AUTS2: variants seen among roughly 807,000 people sequenced by gnomAD.
The protein encoded by AUTS2 is autism susceptibility gene 2 protein.
In AUTS2, 17 loss-of-function variants were observed where a neutral mutation model predicts 112.4. The ratio of observed to expected loss-of-function variants is 0.15; its 90% confidence interval spans 0.10 to 0.23. AUTS2 has a LOEUF of 0.23. Ranked by LOEUF, AUTS2 falls within the 10% of genes least tolerant of loss-of-function variation. The pLI is 1.00. For synonymous variants in AUTS2, 751 were observed against 702.7 expected, an observed-to-expected ratio of 1.07 and a Z score of -1.09; for missense variants, 1,510 against 1,701.6, an observed-to-expected ratio of 0.89 and a Z score of 1.98.
At chr7:69,864,157 C>G (rs970085947) in intron 1 of AUTS2, among the ~76,000 whole-genome samples, 1 of 152,232 alleles carries the variant, frequency 6.6e-6, no homozygotes, top group Non-Finnish European at 1.5e-5. Context: ...CCTCCAATAA[C>G]ACATACTTTG....
intron 2 of AUTS2, among the ~76,000 whole-genome samples, chr7:70,043,615 T>TA (rs1474032489): frequency 6.8e-6 from 1 of 146,162 alleles, no homozygotes; most frequent in Non-Finnish European, 1.5e-5. Context: ...CTTTTTTTTT[T>TA]TTTTTTATTT....
chr7:69,844,734 C>T (rs760458110), intron 1 of AUTS2, among the ~76,000 whole-genome samples: 10 of 152,080 alleles, frequency 6.6e-5, no homozygotes, highest in African/African-American at 9.7e-5. Context: ...TCTTAGAGCA[C>T]GGTAGAATGT....
chr7:70,183,613 C>T (rs764815524), intron 4 of AUTS2, among the ~76,000 whole-genome samples: 10 of 152,182 alleles, frequency 6.6e-5, no homozygotes, highest in African/African-American at 1.4e-4. Context: ...ACGCTAACCA[C>T]GGGGAGCTGG....
At chr7:70,171,625 C>T (rs1476253282) in intron 4 of AUTS2, among the ~76,000 whole-genome samples, 4 of 152,160 alleles carry the variant, frequency 2.6e-5, no homozygotes, top group East Asian at 1.9e-4. Flanking sequence ...CCTCAGGTCA[C>T]GGGCTTTAGT....
At chr7:69,974,921 T>G (rs1044020736) in intron 2 of AUTS2, among the ~76,000 whole-genome samples, 7 of 152,182 alleles carry the variant, frequency 4.6e-5, no homozygotes, top group African/African-American at 1.7e-4. Flanking sequence ...TACAAGTTAC[T>G]GTATCATTGC....
intron 1 of AUTS2, among the ~76,000 whole-genome samples, chr7:69,725,147 A>G (rs577767607): frequency 1.3e-5 from 2 of 152,306 alleles, no homozygotes; most frequent in South Asian, 2.1e-4. Flanking sequence ...GTTCTCTATT[A>G]TAGTTGACTT....
At chr7:70,015,983 T>C (rs1800011333) in intron 2 of AUTS2, among the ~76,000 whole-genome samples, 1 of 152,110 alleles carries the variant, frequency 6.6e-6, no homozygotes, top group African/African-American at 2.4e-5. Flanking sequence ...TTTCTAGTAA[T>C]TGCTGCTGGG....
intron 2 of AUTS2, among the ~76,000 whole-genome samples, chr7:70,080,783 C>T (rs1803264938): frequency 6.6e-6 from 1 of 152,076 alleles, no homozygotes; most frequent in African/African-American, 2.4e-5. Flanking sequence ...AGGAAGGAAA[C>T]CTTTCTGATT....
chr7:70,011,592 G>A (rs1203535428), intron 2 of AUTS2, among the ~76,000 whole-genome samples: 1 of 152,124 alleles, frequency 6.6e-6, no homozygotes, highest in Non-Finnish European at 1.5e-5. Context: ...TACCAAGAGG[G>A]TCCTGAGCCC....
intron 2 of AUTS2, among the ~76,000 whole-genome samples, chr7:69,911,974 T>C (rs537176273): frequency 9.9e-5 from 15 of 152,238 alleles, no homozygotes; most frequent in African/African-American, 3.6e-4. Context: ...CAATGTGCCA[T>C]CCATGGCACT....
At chr7:70,007,262 C>T (rs1031232118) in intron 2 of AUTS2, among the ~76,000 whole-genome samples, 2 of 152,102 alleles carry the variant, frequency 1.3e-5, no homozygotes, top group African/African-American at 4.8e-5. Flanking sequence ...TTTCTGTCCC[C>T]CCCTAAATCA....
chr7:69,712,784 C>T lies in AUTS2; in HGVS notation c.309+112822C>T, dbSNP rs187322752. Among the ~76,000 whole-genome samples the T allele has an allele frequency of 4.5e-3, 691 of 152,240 alleles. 3 individuals carry two copies. Among genetic ancestry groups the T allele is most frequent in the Non-Finnish European group, 8.1e-3 (548 of 68,002 alleles). ...ATGGGCAGGTGTATGTTTAACTTTA[C>T]ATGAAACTGCCACAGTTTTCTCAAG... On this transcript the variant is annotated intron_variant, in intron 1 of 18. Coordinates refer to ENST00000342771, the MANE Select transcript of AUTS2 (RefSeq NM_015570.4).
intron 4 of AUTS2, among the ~76,000 whole-genome samples, chr7:70,226,485 G>A (rs959190348): frequency 9.2e-5 from 14 of 151,482 alleles, no homozygotes; most frequent in Admixed American, 2.6e-4. Flanking sequence ...GATTAGAGTC[G>A]TGAGCCACCA....
intron 5 of AUTS2, among the ~76,000 whole-genome samples, chr7:70,520,529 C>T (rs1799599692): frequency 6.6e-6 from 1 of 152,220 alleles, no homozygotes; most frequent in South Asian, 2.1e-4. Flanking sequence ...CTTTAGATAT[C>T]ACGTGCATCA....
Position 70,081,965 on chromosome 7 carries a change from T to TGC in AUTS2, c.523-36160_523-36159dup, listed in dbSNP as rs1554304899. Among the ~76,000 whole-genome samples, 253 of 128,092 alleles carry TGC rather than the reference T, an allele frequency of 2.0e-3. 3 individuals carry two copies. The highest frequency in any genetic ancestry group is 0.017 in the South Asian group (67 of 4,022). 84.0% of individuals were successfully genotyped at this position (128,092 alleles called of 152,430 possible). ...GTGTGTGTGTGTGTGTGTGTGTGTGTGCGCGCGCCTGTGTGTGTGTTTAAA... is the reference window on the plus strand; with the variant it reads ...GTGTGTGTGTGTGTGTGTGTGTGTGTGCGCGCGCGCCTGTGTGTGTGTTTAAA... On this transcript the variant is annotated intron_variant, in intron 2 of 18. Transcript: ENST00000342771.
At chr7:70,241,568 C>T (rs1812614930) in intron 4 of AUTS2, among the ~76,000 whole-genome samples, 1 of 152,146 alleles carries the variant, frequency 6.6e-6, no homozygotes, top group South Asian at 2.1e-4. Context: ...GGTTCTTTCT[C>T]CATTCCTTCA....
At chr7:70,463,229 T>C (rs900177876) in intron 5 of AUTS2, among the ~76,000 whole-genome samples, 3 of 152,198 alleles carry the variant, frequency 2.0e-5, no homozygotes, top group Non-Finnish European at 4.4e-5. Flanking sequence ...TTCACTCACT[T>C]TGGCAGAGCC....
rs200011798 is a variant in AUTS2 at position 70,364,566 on chromosome 7, AAAATAAATAAATAAATAAATAAAT to A, written c.661-71158_661-71135del. 2.8e-3 allele frequency among the ~76,000 whole-genome samples: 392 copies of A among 138,100 alleles called. 2 individuals are homozygous for A. The highest frequency in any genetic ancestry group is 9.8e-3 in the African/African-American group (363 of 37,062). 90.6% of individuals were successfully genotyped at this position (138,100 alleles called of 152,430 possible). ...GGTGACAAAGCAAGACTCTGTCTCA[AAAATAAATAAATAAATAAATAAAT>A]AAATAAATAAATAAATAAATAAATA... On this transcript the variant is annotated intron_variant, in intron 4 of 18. Transcript: ENST00000342771.
At chr7:70,092,098 A>AT (rs1803950835) in intron 2 of AUTS2, among the ~76,000 whole-genome samples, 1 of 68,224 alleles carries the variant, frequency 1.5e-5, no homozygotes, top group Admixed American at 1.2e-4. Flanking sequence ...AATACTTAGG[A>AT]GTATTTTAAT....
Sources: gnomAD v4.1 joint callset for allele counts (sites outside exome capture counted in the v4.1 genomes callset) on GRCh38, gnomAD v4.1.1 for gene constraint, MANE v1.5 for transcripts, NCBI Gene and HGNC (gene_info 2026-07-23, HGNC 2026-07-21) for gene names.